Variants in NOC4L observed in about 807,000 individuals in gnomAD.
NOC4L encodes nucleolar complex associated 4 homolog.
NOC4L carries 40 observed loss-of-function variants against 62.8 expected under a neutral mutation model. The observed-to-expected ratio is 0.64, with a 90% CI of 0.49 to 0.83. NOC4L has a LOEUF of 0.83. Among genes scored for constraint, NOC4L ranks in the 40% least tolerant of loss-of-function variants. NOC4L has a pLI of 0.00. For missense variants in NOC4L, 927 were observed against 701.9 expected (o/e 1.32, Z -3.62); for synonymous variants, 433 against 299.8 (o/e 1.44, Z -4.59).
rs548161897 is a variant in NOC4L at position 132,152,392 on chromosome 12, G to A, written c.1542G>A (p.Thr514=). The A allele has an allele frequency of 1.4e-5, 22 of 1,578,620 alleles. 1 individual carries two copies. The highest frequency in any genetic ancestry group is 6.9e-5 in the South Asian group (6 of 86,792). The change falls in exon 15 of 15, where the codon ACG becomes ACA. Residue 514 remains threonine, a synonymous_variant. Coordinates refer to ENST00000330579, the MANE Select transcript of NOC4L (RefSeq NM_024078.3). Reference sequence around the variant, plus strand: ...GTGAACTCTGTGCCCAGCACTTCACGCTCAGCTGACCCTGGCCCACCTGTG... The same window carrying A: ...GTGAACTCTGTGCCCAGCACTTCACACTCAGCTGACCCTGGCCCACCTGTG... ...RPGELCAQHF[T]LS is the part of the protein sequence containing the mutation.
chr12:132,151,905 C>A, intron 13 of NOC4L, 85 bp downstream of exon 13: 1 of 1,399,964 alleles, frequency 7.1e-7, no homozygotes, highest in Non-Finnish European at 9.9e-7. Flanking sequence ...CCACCTCCCG[C>A]ATAGCCTCAT....
At chr12:132,148,509 C>T in intron 7 of NOC4L, 100 bp from the exon 8 acceptor site, 3 of 1,300,248 alleles carry the variant, frequency 2.3e-6, no homozygotes, top group African/African-American at 1.5e-5. Flanking sequence ...GGAGAGCAGG[C>T]TTGTGTTGGC....
intron 3 of NOC4L, chr12:132,146,397 CT>C (rs2136687119): frequency 2.2e-6 from 1 of 450,610 alleles, no homozygotes; most frequent in Admixed American, 2.4e-5. Flanking sequence ...TCGTTTCCAC[CT>C]TTGGCTGTTA....
intron 10 of NOC4L, 107 bp from the exon 11 acceptor site, chr12:132,151,151 G>T: frequency 7.1e-7 from 1 of 1,414,568 alleles, no homozygotes; most frequent in Non-Finnish European, 9.9e-7. Context: ...AGGCCATGGT[G>T]TTGGAGTCCC....
rs753846449 is a variant in NOC4L, at chr12:132,151,351, C to T, written c.1056C>T (p.Asp352=). 23 of 1,610,526 alleles carry T rather than the reference C, an allele frequency of 1.4e-5. No homozygotes were observed. The highest frequency in any genetic ancestry group is 1.0e-4 in the Admixed American group (6 of 60,032). Residue 352 remains aspartate (D), a synonymous_variant, in exon 11 of 15, where the codon GAC becomes GAT. Transcript: ENST00000330579. ...KYRARFFHLA[D]LFLSSSHLPA... The stretch of plus-strand genomic sequence containing the variant: ...GCGCCCGCTTCTTCCACCTGGCTGA[C>T]CTCTTCCTGTCCTCCTCGTGAGTAC...
intron 8 of NOC4L, 49 bp from the exon 9 acceptor site, chr12:132,148,735 C>CCCCCGGGGGGGGGGGG: frequency 3.8e-6 from 5 of 1,309,276 alleles, no homozygotes; most frequent in Non-Finnish European, 4.1e-6. Context: ...CCCGACCCGC[C>CCCCCGGGGGGGGGGGG]GGCCCCCGCC....
At position 132,144,972 on chromosome 12, in the gene NOC4L, C is replaced by T; in HGVS notation, c.236C>T (p.Thr79Ile). Residue 79 changes from threonine (T) to isoleucine (I), a missense_variant and splice_region_variant, in exon 2 of 15, where the codon ACA becomes ATA. Transcript: ENST00000330579. ...GQLPSEEMVM[T>I]GSQGATRKYK... ...CTGCCCTCTGAGGAGATGGTCATGA[C>T]AGGTGAGCCCTGGAGGGCCCCGGGG... 1 of 1,597,228 alleles carries T rather than the reference C, an allele frequency of 6.3e-7. No individual in the cohort carries two copies. The highest frequency in any genetic ancestry group is 8.5e-7 in the Non-Finnish European group (1 of 1,172,780).
intron 7 of NOC4L, among the ~76,000 whole-genome samples, 160 bp from the exon 8 acceptor site, chr12:132,148,449 G>A (rs549543912): frequency 3.9e-5 from 6 of 152,326 alleles, no homozygotes; most frequent in South Asian, 2.1e-4. Context: ...AGGGCAAGGC[G>A]TACCTGACTT....
Position 132,151,259 on chromosome 12 carries a change from G to A in NOC4L, c.964G>A (p.Glu322Lys). ...CTGCTCCTTCCCCCCGGCCCGCAGG[G>A]AGTACCCTGACTTCTACCGGAAGCT... ...LFILIHKHNL[E>K]YPDFYRKLYG... The change falls in exon 11 of 15, where the codon GAG becomes AAG. Residue 322 changes from glutamate (E) to lysine (K), a missense_variant and splice_region_variant. By Grantham distance (56) the Glu-to-Lys change is moderately conservative (BLOSUM62 1). Transcript: ENST00000330579. The A allele has an allele frequency of 6.2e-7, 1 of 1,611,020 alleles. No homozygotes were observed. Among genetic ancestry groups the A allele is most frequent in the Non-Finnish European group, 8.5e-7 (1 of 1,179,428 alleles).
chr12:132,151,076 G>A, intron 10 of NOC4L, 35 bp downstream of exon 10: 2 of 1,583,092 alleles, frequency 1.3e-6, no homozygotes, highest in South Asian at 1.1e-5. Context: ...CTTCTTCCCA[G>A]TCTGCCCAGC....
At position 132,148,003 on chromosome 12, in the gene NOC4L, C is replaced by T. The variant is rs371603919; in HGVS notation, c.703+24C>T. 1.7e-4 allele frequency: 278 copies of T among 1,612,330 alleles called. No homozygotes were observed. The Middle Eastern group carries it at 2.0e-3, about 11-fold the overall frequency. ...GGGTGAGTGTGCTGAGAGTCAGGGG[C>T]GGACAGGGCTGAGCCTTGGTCTGCC... On this transcript the variant is annotated intron_variant, in intron 6 of 14. Transcript: ENST00000330579.
chr12:132,147,207 C>G, intron 3 of NOC4L, 74 bp from the exon 4 acceptor site: 2 of 1,187,072 alleles, frequency 1.7e-6, no homozygotes, highest in Non-Finnish European at 2.3e-6. Context: ...GGAGGGGCTC[C>G]CTGACTGGGC....
chr12:132,147,582 T>TGCTG lies in NOC4L; in HGVS notation c.454-48_454-45dup, dbSNP rs781620822. 549 of 1,593,702 alleles carry TGCTG rather than the reference T, an allele frequency of 3.4e-4. 2 individuals are homozygous for TGCTG. Among genetic ancestry groups the TGCTG allele is most frequent in the Admixed American group, 1.0e-4 (6 of 58,594 alleles). ...GGGGCAGGGCTGCCTGCCTGGACCTTGCTGGCGTATGCTGGGCCGGGCAGG... is the reference window on the plus strand; with the variant it reads ...GGGGCAGGGCTGCCTGCCTGGACCTTGCTGGCTGGCGTATGCTGGGCCGGGCAGG... On this transcript the variant is annotated intron_variant, in intron 4 of 14. Transcript: ENST00000330579.
At chr12:132,144,628 G>A in intron 1 of NOC4L, 23 bp downstream of exon 1, 5 of 1,481,972 alleles carry the variant, frequency 3.4e-6, no homozygotes, top group South Asian at 2.6e-5. Context: ...GCGTCGCAGG[G>A]CCGGAGTCGC....
intron 2 of NOC4L, 57 bp downstream of exon 2, chr12:132,145,031 T>C: frequency 6.5e-7 from 1 of 1,529,536 alleles, no homozygotes; most frequent in Non-Finnish European, 8.8e-7. Flanking sequence ...GGAGGGAGGC[T>C]TTGTCACCAT....
At chr12:132,145,807 G>A (rs1228293943) in intron 3 of NOC4L, 142 bp downstream of exon 3, 1 of 606,542 alleles carries the variant, frequency 1.6e-6, no homozygotes, top group African/African-American at 1.9e-5. Context: ...TGGGTGTTCA[G>A]TCCCATTCAG....
chr12:132,147,563 G>A, intron 4 of NOC4L, 70 bp from the exon 5 acceptor site: 2 of 1,570,912 alleles, frequency 1.3e-6, no homozygotes, highest in South Asian at 2.4e-5. Flanking sequence ...CGATGGGGCA[G>A]GGCTGCCTGC....
intron 2 of NOC4L, 76 bp from the exon 3 acceptor site, chr12:132,145,483 G>C: frequency 1.1e-6 from 1 of 952,258 alleles, no homozygotes; most frequent in Non-Finnish European, 1.6e-6. Context: ...GGTGGAGCCA[G>C]GCCTGAGATT....
intron 3 of NOC4L, among the ~76,000 whole-genome samples, chr12:132,145,982 G>T (rs146512447): frequency 9.2e-5 from 14 of 152,332 alleles, no homozygotes; most frequent in Admixed American, 9.1e-4. Flanking sequence ...TGCAGCCATG[G>T]GAATGCATTA....
Sources: allele counts gnomAD v4.1 joint callset (sites outside exome capture counted in the v4.1 genomes callset), GRCh38; gene constraint gnomAD v4.1.1; transcripts MANE v1.5; gene names NCBI Gene and HGNC (gene_info 2026-07-23, HGNC 2026-07-21).